The following PDE5A variants were observed in gnomAD, a reference collection of about 807,000 sequenced individuals.
PDE5A encodes the protein cGMP-specific 3',5'-cyclic phosphodiesterase.
In PDE5A, 67 loss-of-function variants were observed where a neutral mutation model predicts 110.2. That is an observed-to-expected ratio of 0.61 (90% CI 0.50 to 0.75). The LOEUF is 0.75. PDE5A is among the 30% of genes least tolerant of loss of function. The pLI is 0.00. For missense variants in PDE5A, 862 were observed against 1,045.1 expected, an observed-to-expected ratio of 0.82 and a Z score of 2.42; for synonymous variants, 328 against 351.2, an observed-to-expected ratio of 0.93 and a Z score of 0.74.
chr4:119,552,498 G>T, intron 9 of PDE5A, 52 bp downstream of exon 9: 1 of 638,532 alleles, frequency 1.6e-6, no homozygotes, highest in Non-Finnish European at 2.5e-6. Flanking sequence ...GTATAGCTGG[G>T]AATACATTTT....
chr4:119,507,742 G>T, intron 15 of PDE5A, 38 bp from the exon 16 acceptor site: 1 of 1,318,858 alleles, frequency 7.6e-7, no homozygotes, highest in South Asian at 1.3e-5. Flanking sequence ...ACATCCTGGA[G>T]AAGCTGCTGA....
chr4:119,605,011 T>C (rs1189458582), intron 2 of PDE5A, among the ~76,000 whole-genome samples: 1 of 152,184 alleles, frequency 6.6e-6, no homozygotes, highest in Non-Finnish European at 1.5e-5. Flanking sequence ...TCCTCCCAAC[T>C]TGTAGCATTT....
intron 2 of PDE5A, among the ~76,000 whole-genome samples, chr4:119,598,436 AGTT>A (rs1341561902): frequency 6.6e-6 from 1 of 152,214 alleles, no homozygotes; most frequent in Non-Finnish European, 1.5e-5. Context: ...TACATAAAGG[AGTT>A]CTAACCCCTC....
intron 3 of PDE5A, among the ~76,000 whole-genome samples, chr4:119,591,077 T>C (rs183826707): frequency 6.6e-6 from 1 of 152,316 alleles, no homozygotes; most frequent in Admixed American, 6.5e-5. Flanking sequence ...ATGTTTCTCT[T>C]AAGTTTAAAG....
At chr4:119,539,719 C>T (rs1486781101) in intron 10 of PDE5A, among the ~76,000 whole-genome samples, 1 of 152,112 alleles carries the variant, frequency 6.6e-6, no homozygotes, top group East Asian at 1.9e-4. Flanking sequence ...CAATTCCTAA[C>T]CTATACACGT....
intron 14 of PDE5A, among the ~76,000 whole-genome samples, chr4:119,513,220 G>A (rs1725807201): frequency 6.6e-6 from 1 of 152,098 alleles, no homozygotes. Flanking sequence ...GGTGCCCAGA[G>A]GAATGTTCTC....
intron 11 of PDE5A, among the ~76,000 whole-genome samples, chr4:119,532,174 C>T (rs973455403): frequency 1.3e-5 from 2 of 152,008 alleles, no homozygotes; most frequent in Non-Finnish European, 2.9e-5. Flanking sequence ...TTCCAGAATC[C>T]ATTCATTGAT....
chr4:119,543,045 T>TACACACATACACACACACAC (rs1726999463), intron 9 of PDE5A: 2 of 124,380 alleles, frequency 1.6e-5, no homozygotes, highest in Non-Finnish European at 3.3e-5. Flanking sequence ...AAGTTAAACA[T>TACACACATACACACACACAC]ACACACACAC....
At chr4:119,624,552 T>C (rs1730271528) in intron 1 of PDE5A, among the ~76,000 whole-genome samples, 2 of 152,202 alleles carry the variant, frequency 1.3e-5, no homozygotes, top group African/African-American at 4.8e-5. Flanking sequence ...ATCCAAGCTG[T>C]CATAAAAACT....
chr4:119,544,237 T>C (rs1727051729), intron 9 of PDE5A, among the ~76,000 whole-genome samples: 1 of 152,182 alleles, frequency 6.6e-6, no homozygotes, highest in Non-Finnish European at 1.5e-5. Flanking sequence ...TTTTGCTCTT[T>C]TTGTTTGTTT....
At chr4:119,582,383 A>C (rs1342232084) in intron 3 of PDE5A, among the ~76,000 whole-genome samples, 1 of 152,130 alleles carries the variant, frequency 6.6e-6, no homozygotes, top group African/African-American at 2.4e-5. Context: ...TTCTAATTCT[A>C]ATTCTCTTGG....
intron 7 of PDE5A, among the ~76,000 whole-genome samples, chr4:119,554,366 A>G (rs934545430): frequency 2.6e-5 from 4 of 152,150 alleles, no homozygotes; most frequent in Admixed American, 2.6e-4. Flanking sequence ...TTCCTCAAGA[A>G]ATTTTTATGA....
intron 9 of PDE5A, among the ~76,000 whole-genome samples, chr4:119,547,702 T>C (rs930567242): frequency 2.0e-5 from 3 of 152,098 alleles, no homozygotes; most frequent in South Asian, 2.1e-4. Flanking sequence ...TTCTTTGTCA[T>C]TTAGGAGAAT....
chr4:119,597,107 T>C (rs1261162357), intron 2 of PDE5A, among the ~76,000 whole-genome samples: 2 of 152,106 alleles, frequency 1.3e-5, no homozygotes, highest in African/African-American at 2.4e-5. Flanking sequence ...CACAATCTCA[T>C]TGAGTCAGAT....
At chr4:119,590,041 A>T (rs1728908619) in intron 3 of PDE5A, among the ~76,000 whole-genome samples, 1 of 152,210 alleles carries the variant, frequency 6.6e-6, no homozygotes, top group Non-Finnish European at 1.5e-5. Context: ...GCAGACTTTT[A>T]AGAAATGCTC....
chr4:119,614,826 T>TC (rs1291458677), intron 1 of PDE5A, among the ~76,000 whole-genome samples: 2 of 152,124 alleles, frequency 1.3e-5, no homozygotes, highest in Admixed American at 1.3e-4. Flanking sequence ...GGTTCTAATC[T>TC]CAGCATTTGT....
intron 6 of PDE5A, 36 bp from the exon 7 acceptor site, chr4:119,560,399 G>A: frequency 7.0e-7 from 1 of 1,436,196 alleles, no homozygotes; most frequent in Non-Finnish European, 9.6e-7. Context: ...AAATAAGTTT[G>A]ACAAGGTAAT....
intron 9 of PDE5A, among the ~76,000 whole-genome samples, chr4:119,545,722 G>T (rs1727108245): frequency 1.3e-5 from 2 of 152,098 alleles, no homozygotes; most frequent in Non-Finnish European, 2.9e-5. Flanking sequence ...CTTGGGATCG[G>T]ATGTTGTTAC....
chr4:119,626,144 T>C (rs1243567850), intron 1 of PDE5A, among the ~76,000 whole-genome samples: 1 of 152,178 alleles, frequency 6.6e-6, no homozygotes, highest in Non-Finnish European at 1.5e-5. Flanking sequence ...TTAAAAACTC[T>C]AACCGAAAAT....
Sources: allele counts gnomAD v4.1 joint callset (sites outside exome capture counted in the v4.1 genomes callset), GRCh38; gene constraint gnomAD v4.1.1; transcripts MANE v1.5; gene names NCBI Gene and HGNC (gene_info 2026-07-23, HGNC 2026-07-21).